Variants in ZBTB7C observed in about 807,000 individuals in gnomAD.
ZBTB7C encodes zinc finger and BTB domain-containing protein 7C.
Under a neutral mutation model 25.7 loss-of-function variants are expected in ZBTB7C, and 8 were observed. That is an observed-to-expected ratio of 0.31 (90% confidence interval 0.18 to 0.56). The LOEUF (loss-of-function observed/expected upper bound fraction) is 0.56. Among genes scored for constraint, ZBTB7C ranks in the 20% least tolerant of loss-of-function variants. The pLI is 0.91. For synonymous variants in ZBTB7C, 394 were observed against 369.0 expected (o/e 1.07, Z -0.78); for missense variants, 824 against 855.2 (o/e 0.96, Z 0.46).
At chr18:48,378,659 T>G (rs2047573532) in intron 1 of ZBTB7C, among the ~76,000 whole-genome samples, 1 of 151,158 alleles carries the variant, frequency 6.6e-6, no homozygotes, top group African/African-American at 2.4e-5. Context: ...AACAAACAAC[T>G]TGGAAAGAAC....
chr18:48,254,717 C>T (rs1047344870), intron 2 of ZBTB7C, among the ~76,000 whole-genome samples: 4 of 152,196 alleles, frequency 2.6e-5, no homozygotes, highest in African/African-American at 9.7e-5. Flanking sequence ...CTCCACACTT[C>T]AGCCCATTCC....
Position 48,296,673 on chromosome 18 carries a change from A to G in ZBTB7C, c.-79+41501T>C, listed in dbSNP as rs559373971. ...CCGTGTCCTATGACACACATGTCCTATGAGTCTGTCTAGAGCAGGGGTCCC... is the reference window on the plus strand; with the variant it reads ...CCGTGTCCTATGACACACATGTCCTGTGAGTCTGTCTAGAGCAGGGGTCCC... On this transcript the variant is annotated intron_variant, in intron 2 of 4. Coordinates refer to ENST00000590800, the MANE Select transcript of ZBTB7C (RefSeq NM_001318841.2). Among the ~76,000 whole-genome samples the G allele has an allele frequency of 2.0e-5, 3 of 152,226 alleles. No individual in the cohort carries two copies. In the South Asian group the frequency reaches 6.2e-4, roughly 32 times the overall value.
intron 3 of ZBTB7C, among the ~76,000 whole-genome samples, chr18:48,051,895 T>C (rs1266563006): frequency 6.6e-6 from 1 of 151,712 alleles, no homozygotes; most frequent in Non-Finnish European, 1.5e-5. Context: ...TGTTGTTCTT[T>C]AATTATTTTT....
intron 2 of ZBTB7C, among the ~76,000 whole-genome samples, chr18:48,257,238 C>T (rs1409623791): frequency 6.6e-6 from 1 of 151,872 alleles, no homozygotes; most frequent in Non-Finnish European, 1.5e-5. Context: ...AAAATATTAC[C>T]AGGAATAAAG....
At chr18:48,286,238 G>A (rs2045049031) in intron 2 of ZBTB7C, among the ~76,000 whole-genome samples, 1 of 104,396 alleles carries the variant, frequency 9.6e-6, no homozygotes, top group South Asian at 3.9e-4. Flanking sequence ...GTGTGCGTGT[G>A]TGTGTGTGTG....
chr18:48,167,620 G>A (rs185719064), intron 3 of ZBTB7C, among the ~76,000 whole-genome samples: 63 of 150,994 alleles, frequency 4.2e-4, no homozygotes, highest in South Asian at 1.0e-3. Flanking sequence ...ACGCGCATGC[G>A]CCAGTAGACT....
intron 2 of ZBTB7C, among the ~76,000 whole-genome samples, chr18:48,202,979 T>C (rs2042490777): frequency 6.6e-6 from 1 of 151,918 alleles, no homozygotes; most frequent in South Asian, 2.1e-4. Context: ...CCTCTTACCC[T>C]GCTTGCCATT....
At chr18:48,041,270 C>G in intron 3 of ZBTB7C, 147 bp from the exon 4 acceptor site, 1 of 1,407,272 alleles carries the variant, frequency 7.1e-7, no homozygotes, top group East Asian at 2.5e-5. Flanking sequence ...CTTGCCAAAT[C>G]TCACCTGCAA....
At chr18:48,151,941 G>A (rs1568260325) in intron 3 of ZBTB7C, among the ~76,000 whole-genome samples, 1 of 152,196 alleles carries the variant, frequency 6.6e-6, no homozygotes, top group Non-Finnish European at 1.5e-5. Flanking sequence ...GGACAAAGGT[G>A]AGTGACAGCC....
chr18:48,045,282 G>A (rs2036424634), intron 3 of ZBTB7C, among the ~76,000 whole-genome samples: 1 of 152,240 alleles, frequency 6.6e-6, no homozygotes, highest in South Asian at 2.1e-4. Flanking sequence ...CATAGTGTTG[G>A]AGAGGGGTCC....
chr18:48,179,703 C>G (rs1483673458), intron 3 of ZBTB7C, among the ~76,000 whole-genome samples: 3 of 129,330 alleles, frequency 2.3e-5, no homozygotes, highest in Admixed American at 1.5e-4. Context: ...TTCCTTCCTT[C>G]CCTGCGAGGA....
intron 2 of ZBTB7C, among the ~76,000 whole-genome samples, chr18:48,322,587 A>G (rs1264710771): frequency 6.6e-6 from 1 of 152,156 alleles, no homozygotes; most frequent in East Asian, 1.9e-4. Context: ...ACACTTCTAT[A>G]CTGTTGGTGG....
chr18:48,156,275 C>T (rs183007874), intron 3 of ZBTB7C, among the ~76,000 whole-genome samples: 32 of 152,320 alleles, frequency 2.1e-4, no homozygotes, highest in African/African-American at 7.7e-4. Context: ...TGGCGATAGA[C>T]TTAGTACTAA....
intron 3 of ZBTB7C, among the ~76,000 whole-genome samples, chr18:48,043,488 G>C (rs2036342797): frequency 6.6e-6 from 1 of 152,164 alleles, no homozygotes; most frequent in Non-Finnish European, 1.5e-5. Context: ...AATCCCAATG[G>C]GTTAGATATT....
intron 1 of ZBTB7C, among the ~76,000 whole-genome samples, chr18:48,350,383 C>T (rs1005050522): frequency 1.3e-5 from 2 of 152,190 alleles, no homozygotes; most frequent in Non-Finnish European, 2.9e-5. Context: ...TCCGTAGTTA[C>T]GTCTCCCTCT....
chr18:48,345,858 A>G (rs969641475), intron 1 of ZBTB7C, among the ~76,000 whole-genome samples: 1 of 152,138 alleles, frequency 6.6e-6, no homozygotes, highest in African/African-American at 2.4e-5. Flanking sequence ...TGGGCAAATC[A>G]TTTCCCATCT....
intron 2 of ZBTB7C, among the ~76,000 whole-genome samples, chr18:48,197,241 GATCATCCTGCCTCCA>G (rs11270580): frequency 0.92 from 138,974 of 151,596 alleles, 64,278 homozygotes; most frequent in East Asian, 0.99. Flanking sequence ...TGCTCCTGAA[GATCATCCTGCCTCCA>G]ATCATCCTGC....
chr18:48,089,565 C>T (rs531777072), intron 3 of ZBTB7C, among the ~76,000 whole-genome samples: 1 of 151,986 alleles, frequency 6.6e-6, no homozygotes, highest in Non-Finnish European at 1.5e-5. Flanking sequence ...ATTCTGATGT[C>T]CACTCCAGTG....
chr18:48,032,422 GTTTTTT>G (rs71165309), intron 4 of ZBTB7C, among the ~76,000 whole-genome samples: 9 of 65,060 alleles, frequency 1.4e-4, no homozygotes, highest in African/African-American at 5.7e-4. Flanking sequence ...GACAAGGTAG[GTTTTTT>G]TTTTTTTTTT....
Sources: allele counts gnomAD v4.1 joint callset (sites outside exome capture counted in the v4.1 genomes callset), GRCh38; gene constraint gnomAD v4.1.1; transcripts MANE v1.5; gene names NCBI Gene and HGNC (gene_info 2026-07-23, HGNC 2026-07-21).